Variants in NTM observed in about 807,000 individuals in gnomAD.
NTM encodes the protein IgLON family member 2.
NTM carries 13 observed loss-of-function variants against 42.1 expected under a neutral mutation model. The observed-to-expected ratio is 0.31, with a 90% CI of 0.20 to 0.49. The LOEUF (loss-of-function observed/expected upper bound fraction) is 0.49. Ranked by LOEUF, NTM falls within the 20% of genes least tolerant of loss-of-function variation. The pLI is 0.99. For synonymous variants in NTM, 187 were observed against 179.2 expected (o/e 1.04, Z -0.35); for missense variants, 373 against 452.8 (o/e 0.82, Z 1.60).
At chr11:131,983,697 T>C (rs2065630310) in intron 2 of NTM, among the ~76,000 whole-genome samples, 1 of 151,506 alleles carries the variant, frequency 6.6e-6, no homozygotes, top group Admixed American at 6.8e-5. Context: ...TCTTCTATTA[T>C]ATAAATAAAA....
chr11:132,087,050 G>A (rs1247329307), intron 2 of NTM, among the ~76,000 whole-genome samples: 5 of 152,192 alleles, frequency 3.3e-5, no homozygotes, highest in African/African-American at 1.2e-4. Context: ...CACCTAGAAA[G>A]AGGGGAGCCC....
At chr11:131,380,938 AT>A in intron 1 of NTM, among the ~76,000 whole-genome samples, 1 of 152,148 alleles carries the variant, frequency 6.6e-6, no homozygotes, top group African/African-American at 2.4e-5. Context: ...TCTGACAAAT[AT>A]TTTTTTTAGA....
At chr11:131,937,739 T>C (rs59218290) in intron 2 of NTM, among the ~76,000 whole-genome samples, 5,190 of 152,252 alleles carry the variant, frequency 0.034, 149 homozygotes, top group African/African-American at 0.081. Context: ...TTTTTACTTC[T>C]AGTAGAAATT....
chr11:132,301,217 C>T (rs1446110464), intron 4 of NTM, among the ~76,000 whole-genome samples: 1 of 152,140 alleles, frequency 6.6e-6, no homozygotes, highest in Non-Finnish European at 1.5e-5. Flanking sequence ...AGAGTGAGTG[C>T]CCAGCGAAGT....
chr11:131,465,322 A>G (rs1249233878), intron 1 of NTM, among the ~76,000 whole-genome samples: 1 of 152,208 alleles, frequency 6.6e-6, no homozygotes, highest in East Asian at 1.9e-4. Context: ...CACGTACCAT[A>G]GCCCATTGCT....
chr11:131,760,294 C>A (rs1565512659), intron 1 of NTM, among the ~76,000 whole-genome samples: 1 of 152,090 alleles, frequency 6.6e-6, no homozygotes, highest in Non-Finnish European at 1.5e-5. Flanking sequence ...ATGGAAGCAG[C>A]AGCGTTTTTA....
At chr11:131,411,540 C>CGTGTGTGTGTGTGT (rs5795724) in intron 1 of NTM, among the ~76,000 whole-genome samples, 2 of 129,766 alleles carry the variant, frequency 1.5e-5, no homozygotes, top group Admixed American at 1.6e-4. Flanking sequence ...TAGGGGGGGC[C>CGTGTGTGTGTGTGT]GTGTGTGTGT....
intron 2 of NTM, among the ~76,000 whole-genome samples, chr11:131,997,387 G>A (rs569616594): frequency 2.0e-5 from 3 of 152,266 alleles, no homozygotes; most frequent in African/African-American, 7.2e-5. Flanking sequence ...GGAACACTGG[G>A]CCAGGCTAAT....
At chr11:132,312,846 AGTGGCCT>A (rs1235287134) in intron 6 of NTM, 4 of 154,012 alleles carry the variant, frequency 2.6e-5, no homozygotes, top group Non-Finnish European at 5.9e-5. Context: ...GAAATGTAAA[AGTGGCCT>A]GTGGCTGCAC....
At chr11:132,139,117 T>C (rs1319283284) in intron 2 of NTM, among the ~76,000 whole-genome samples, 3 of 152,126 alleles carry the variant, frequency 2.0e-5, no homozygotes, top group Non-Finnish European at 2.9e-5. Context: ...CAGAGACCAC[T>C]CTTCTGTGTT....
chr11:132,114,872 T>A (rs938923208), intron 2 of NTM, among the ~76,000 whole-genome samples: 2 of 152,214 alleles, frequency 1.3e-5, no homozygotes, highest in South Asian at 4.1e-4. Context: ...GTTGCTTCCA[T>A]ATCTTAGCTA....
At chr11:132,333,704 G>C (rs1426118759) in intron 8 of NTM, among the ~76,000 whole-genome samples, 1 of 152,132 alleles carries the variant, frequency 6.6e-6, no homozygotes, top group Non-Finnish European at 1.5e-5. Flanking sequence ...CGGCCTTAGG[G>C]ATACTGTGAA....
In NTM at chr11:131,681,337, TTC is replaced by T. The variant is rs1168695897; in HGVS notation, c.83-230225_83-230224del. 6.7e-5 allele frequency among the ~76,000 whole-genome samples: 3 copies of T among 44,462 alleles called. 1 individual carries two copies. Among genetic ancestry groups the T allele is most frequent in the African/African-American group, 1.7e-4 (3 of 17,748 alleles). 29.2% of individuals were successfully genotyped at this position (44,462 alleles called of 152,430 possible). On this transcript the variant is annotated intron_variant, in intron 1 of 8. Transcript: ENST00000683400. Reference sequence around the variant, plus strand: ...TGTCTGTGTGTGTGAGCGTGTGTGTTTCTGTGTCTGTGTGTATGTCTCCCTGT... The same window carrying T: ...TGTCTGTGTGTGTGAGCGTGTGTGTTTGTGTCTGTGTGTATGTCTCCCTGT...
intron 1 of NTM, among the ~76,000 whole-genome samples, chr11:131,904,550 T>C (rs1215268193): frequency 6.6e-6 from 1 of 152,192 alleles, no homozygotes; most frequent in African/African-American, 2.4e-5. Context: ...TCCAGTGATT[T>C]GTTTAAGATG....
chr11:132,037,135 A>T (rs567735805), intron 2 of NTM, among the ~76,000 whole-genome samples: 1 of 152,272 alleles, frequency 6.6e-6, no homozygotes, highest in South Asian at 2.1e-4. Flanking sequence ...TGTTTGGACC[A>T]CCGGGATGGA....
At chr11:131,518,123 T>G (rs2049129356) in intron 1 of NTM, among the ~76,000 whole-genome samples, 2 of 152,124 alleles carry the variant, frequency 1.3e-5, no homozygotes, top group Admixed American at 1.3e-4. Flanking sequence ...CACCAAATAT[T>G]GATTGAGGGG....
chr11:132,021,739 A>AGAAGTT (rs1175349500), intron 2 of NTM, among the ~76,000 whole-genome samples: 1 of 152,214 alleles, frequency 6.6e-6, no homozygotes, highest in African/African-American at 2.4e-5. Flanking sequence ...AGGCTTAAAC[A>AGAAGTT]GAAGTTGTGC....
intron 4 of NTM, among the ~76,000 whole-genome samples, chr11:132,304,719 T>C (rs1180539381): frequency 6.6e-6 from 1 of 152,162 alleles, no homozygotes; most frequent in East Asian, 1.9e-4. Flanking sequence ...ATAATGACAA[T>C]GAAAGCTTAA....
At chr11:131,509,488 T>C (rs192182417) in intron 1 of NTM, among the ~76,000 whole-genome samples, 6 of 152,348 alleles carry the variant, frequency 3.9e-5, no homozygotes, top group African/African-American at 1.4e-4. Context: ...CTTACCAGAA[T>C]GTAAACTTCC....
Sources: allele counts gnomAD v4.1 joint callset (sites outside exome capture counted in the v4.1 genomes callset), GRCh38; gene constraint gnomAD v4.1.1; transcripts MANE v1.5; gene names NCBI Gene and HGNC (gene_info 2026-07-23, HGNC 2026-07-21).